The following CSMD1 variants were observed in gnomAD, a reference collection of about 807,000 sequenced individuals.
CSMD1 encodes CUB and sushi domain-containing protein 1.
A neutral mutation model predicts 417.5 loss-of-function variants in CSMD1; 213 were observed. That is an observed-to-expected ratio of 0.51 (90% CI 0.46 to 0.57). The LOEUF is 0.57. Among genes scored for constraint, CSMD1 ranks in the 20% least tolerant of loss-of-function variants. The probability of loss-of-function intolerance (pLI) is 0.00; values close to 1 mark genes in which losing one functional copy is unlikely to be tolerated. For synonymous variants in CSMD1, 2,862 were observed against 1,736.8 expected, an observed-to-expected ratio of 1.65 and a Z score of -16.11; for missense variants, 6,923 against 4,529.7, an observed-to-expected ratio of 1.53 and a Z score of -15.17.
intron 37 of CSMD1, among the ~76,000 whole-genome samples, chr8:3,179,098 A>G (rs981277163): frequency 6.6e-6 from 1 of 151,288 alleles, no homozygotes. Flanking sequence ...CAGGCCCGCC[A>G]CCACGCCTGG....
At chr8:4,432,612 G>C (rs1225622737) in intron 2 of CSMD1, among the ~76,000 whole-genome samples, 1 of 152,100 alleles carries the variant, frequency 6.6e-6, no homozygotes, top group Non-Finnish European at 1.5e-5. Context: ...GTGAGGAAAC[G>C]AAGCCTCAGA....
chr8:4,404,997 G>C lies in CSMD1; in HGVS notation c.415+14956C>G, dbSNP rs190994060. Among the ~76,000 whole-genome samples, 476 of 152,294 alleles carry C rather than the reference G, an allele frequency of 3.1e-3. 1 individual carries two copies. The highest frequency in any genetic ancestry group is 5.4e-3 in the Non-Finnish European group (367 of 68,016). On this transcript the variant is annotated intron_variant, in intron 3 of 69. Coordinates refer to ENST00000635120, the MANE Select transcript of CSMD1 (RefSeq NM_033225.6). ...CAAGAGGATTAGTCATTTTCTCAAG[G>C]CTAAAAGCTAAGTAATAAAACTGAG...
chr8:3,052,391 C>G (rs1007254068), intron 50 of CSMD1, 71 bp downstream of exon 50: 1 of 1,279,636 alleles, frequency 7.8e-7, no homozygotes, highest in Admixed American at 2.5e-5. Context: ...CGTGGGAACC[C>G]GGACTTCTCC....
At chr8:4,377,521 A>C (rs1460653371) in intron 3 of CSMD1, among the ~76,000 whole-genome samples, 1 of 152,238 alleles carries the variant, frequency 6.6e-6, no homozygotes, top group Non-Finnish European at 1.5e-5. Flanking sequence ...TTTTGGACCC[A>C]GGAGAACTAA....
chr8:3,352,039 A>G (rs1005439869), intron 21 of CSMD1, among the ~76,000 whole-genome samples: 1 of 151,978 alleles, frequency 6.6e-6, no homozygotes, highest in Admixed American at 6.6e-5. Context: ...AGAAAATATG[A>G]TATTTTCCAT....
chr8:4,907,503 C>A (rs1352798810), intron 1 of CSMD1, among the ~76,000 whole-genome samples: 3 of 139,844 alleles, frequency 2.1e-5, no homozygotes, highest in Non-Finnish European at 4.7e-5. Flanking sequence ...TAACATCTTA[C>A]TAGAATTAAA....
chr8:3,626,293 C>A (rs992729056), intron 7 of CSMD1, among the ~76,000 whole-genome samples: 25 of 152,154 alleles, frequency 1.6e-4, no homozygotes, highest in African/African-American at 6.0e-4. Context: ...GAACTCTAGA[C>A]TTAAGACTCA....
rs376227990 is a variant in CSMD1, at chr8:4,456,976, G to GTT, written c.303-36913_303-36912dup. ...TTTACAAGAGATTTTGATGAGTGTG[G>GTT]TTTTTTTTTAAAAAAAAAAAAAACA... On this transcript the variant is annotated intron_variant, in intron 2 of 69. Transcript: ENST00000635120. 2.1e-3 allele frequency among the ~76,000 whole-genome samples: 293 copies of GTT among 136,766 alleles called. 1 individual carries two copies. The highest frequency in any genetic ancestry group is 5.7e-3 in the South Asian group (24 of 4,220). 89.7% of individuals were successfully genotyped at this position (136,766 alleles called of 152,430 possible). A position where few individuals can be genotyped will look rare whatever the true frequency, so the allele number is the denominator to read the frequency against.
At chr8:4,892,855 C>T (rs1804216899) in intron 1 of CSMD1, among the ~76,000 whole-genome samples, 1 of 152,056 alleles carries the variant, frequency 6.6e-6, no homozygotes, top group African/African-American at 2.4e-5. Context: ...ATTTATTTAA[C>T]AATATTCTTA....
At chr8:4,682,020 TTTG>T (rs1164428014) in intron 1 of CSMD1, among the ~76,000 whole-genome samples, 4 of 152,240 alleles carry the variant, frequency 2.6e-5, no homozygotes, top group South Asian at 2.1e-4. Context: ...ATTGGATAAA[TTTG>T]TTGTTGTTAT....
intron 3 of CSMD1, among the ~76,000 whole-genome samples, chr8:4,410,597 C>G (rs568910926): frequency 2.0e-5 from 3 of 152,054 alleles, no homozygotes; most frequent in Admixed American, 2.0e-4. Context: ...TTTTGTTTTT[C>G]ATTTATCTGA....
chr8:4,388,303 T>TACAC (rs748455037), intron 3 of CSMD1, among the ~76,000 whole-genome samples: 19,576 of 116,910 alleles, frequency 0.17, 1,418 homozygotes, highest in East Asian at 0.22. Flanking sequence ...GAAACTGTGA[T>TACAC]ACACACACAC....
intron 11 of CSMD1, among the ~76,000 whole-genome samples, 193 bp downstream of exon 11, chr8:3,493,430 A>G (rs551094638): frequency 4.0e-4 from 61 of 152,312 alleles, no homozygotes; most frequent in African/African-American, 1.4e-3. Context: ...GTCGAAACAG[A>G]TAACACATAC....
intron 8 of CSMD1, among the ~76,000 whole-genome samples, chr8:3,594,860 T>C (rs762041560): frequency 1.3e-5 from 2 of 152,112 alleles, no homozygotes; most frequent in African/African-American, 2.4e-5. Context: ...GCACTGCTCA[T>C]GGAGCTTCTG....
intron 1 of CSMD1, among the ~76,000 whole-genome samples, chr8:4,863,127 A>T (rs1802233130): frequency 6.6e-6 from 1 of 152,092 alleles, no homozygotes; most frequent in Admixed American, 6.5e-5. Context: ...AAATGAAATA[A>T]TAAATTACTG....
chr8:3,316,979 G>A (rs779323095), intron 23 of CSMD1, among the ~76,000 whole-genome samples: 1 of 152,128 alleles, frequency 6.6e-6, no homozygotes, highest in African/African-American at 2.4e-5. Context: ...ATGTGGGGAG[G>A]GGATGAGGCA....
At chr8:4,790,249 A>C (rs1386188772) in intron 1 of CSMD1, among the ~76,000 whole-genome samples, 1 of 152,210 alleles carries the variant, frequency 6.6e-6, no homozygotes, top group Non-Finnish European at 1.5e-5. Flanking sequence ...AAAAAGAATA[A>C]AATAACTAGG....
chr8:3,658,404 G>C (rs1585030680), intron 7 of CSMD1, among the ~76,000 whole-genome samples: 1 of 149,698 alleles, frequency 6.7e-6, no homozygotes, highest in African/African-American at 2.4e-5. Flanking sequence ...AATCTTAAAA[G>C]TAAATGTTAG....
Position 4,919,843 on chromosome 8 carries a change from C to T in CSMD1, c.85+74489G>A, listed in dbSNP as rs143011266. On this transcript the variant is annotated intron_variant, in intron 1 of 69. Transcript: ENST00000635120. ...CAGAGTTCATCCCCTTTTGCCCTTT[C>T]ACCTTCTTTCATGTGAAGGGAGAGC... Among the ~76,000 whole-genome samples the T allele has an allele frequency of 8.1e-4, 123 of 152,256 alleles. No individual in the cohort carries two copies. The Middle Eastern group carries it at 0.02, about 25-fold the overall frequency.
Sources: allele counts gnomAD v4.1 joint callset (sites outside exome capture counted in the v4.1 genomes callset), GRCh38; gene constraint gnomAD v4.1.1; transcripts MANE v1.5; gene names NCBI Gene and HGNC (gene_info 2026-07-23, HGNC 2026-07-21).